Variants in RP1 observed in about 807,000 individuals in gnomAD.
The protein encoded by RP1 is oxygen-regulated protein 1.
A neutral mutation model predicts 14.8 loss-of-function variants in RP1; 16 were observed. That is an observed-to-expected ratio of 1.08 (90% CI 0.73 to 1.65). RP1 has a LOEUF of 1.65. Among genes scored for constraint, RP1 ranks in the 40% most tolerant of loss-of-function variants. The pLI is 0.00. For synonymous variants in RP1, 876 were observed against 883.6 expected (o/e 0.99, Z 0.15); for missense variants, 2,631 against 2,535.0 (o/e 1.04, Z -0.81).
At chr8:54,794,576 T>C (rs1441650966) in intron 24 of RP1, among the ~76,000 whole-genome samples, 1 of 151,842 alleles carries the variant, frequency 6.6e-6, no homozygotes, top group Admixed American at 6.6e-5. Context: ...CTTATACCTT[T>C]CACAAAAATT....
At position 54,621,255 on chromosome 8, in the gene RP1, G is replaced by C. The variant is rs1259843974; in HGVS notation, c.289G>C (p.Glu97Gln). 6.2e-7 allele frequency: 1 copy of C among 1,614,144 alleles called. No homozygotes were observed. The highest frequency in any genetic ancestry group is 1.1e-5 in the South Asian group (1 of 91,080). ...CAGGCACAGCATCACGCGCCTGGAG[G>C]AGCTGGAGGACGGCGAGTCCTACCT... ...RGRHSITRLE[E>Q]LEDGESYLCS... The change falls in exon 2 of 4, where the codon GAG (glutamate) becomes CAG (glutamine). Residue 97 changes from glutamate (E) to glutamine (Q), a missense_variant. Physicochemically the swap from Glu to Gln is conservative, Grantham distance 29 (BLOSUM62 2). Coordinates refer to ENST00000220676, the MANE Select transcript of RP1 (RefSeq NM_006269.2).
chr8:54,675,856 A>G (rs1392786599), intron 8 of RP1, among the ~76,000 whole-genome samples: 1 of 152,178 alleles, frequency 6.6e-6, no homozygotes, highest in Non-Finnish European at 1.5e-5. Flanking sequence ...AGGCTGCTAT[A>G]ACAAAATACC....
intron 1 of RP1, among the ~76,000 whole-genome samples, chr8:54,581,268 C>G (rs1488856440): frequency 6.6e-6 from 1 of 151,678 alleles, no homozygotes; most frequent in Non-Finnish European, 1.5e-5. Context: ...TGGTTTTCTG[C>G]CCTTGCGATA....
At chr8:54,818,390 C>T (rs563887874) in intron 24 of RP1, among the ~76,000 whole-genome samples, 1 of 152,338 alleles carries the variant, frequency 6.6e-6, no homozygotes, top group South Asian at 2.1e-4. Context: ...CTTTCACTTC[C>T]ATCAACCCTA....
At chr8:54,570,757 A>G (rs1280651666) in intron 1 of RP1, among the ~76,000 whole-genome samples, 1 of 152,158 alleles carries the variant, frequency 6.6e-6, no homozygotes, top group Non-Finnish European at 1.5e-5. Flanking sequence ...GTTTCACATT[A>G]AATAATACAA....
intron 15 of RP1, among the ~76,000 whole-genome samples, chr8:54,718,067 A>T (rs1808446902): frequency 6.6e-6 from 1 of 152,216 alleles, no homozygotes; most frequent in Admixed American, 6.5e-5. Flanking sequence ...TGATGAAAAA[A>T]ATCAAAGAAA....
intron 1 of RP1, among the ~76,000 whole-genome samples, chr8:54,567,862 G>A (rs1311705585): frequency 6.6e-6 from 1 of 152,098 alleles, no homozygotes; most frequent in Non-Finnish European, 1.5e-5. Context: ...GAGGTAGAGG[G>A]GGATTTGTCT....
At chr8:54,850,854 C>A (rs1440078265) in intron 25 of RP1, among the ~76,000 whole-genome samples, 1 of 152,162 alleles carries the variant, frequency 6.6e-6, no homozygotes, top group African/African-American at 2.4e-5. Flanking sequence ...GTCAATGTTA[C>A]AGATTCCAGC....
At chr8:54,735,506 A>T (rs2129356568) in intron 18 of RP1, among the ~76,000 whole-genome samples, 1 of 152,300 alleles carries the variant, frequency 6.6e-6, no homozygotes, top group Admixed American at 6.5e-5. Context: ...GGCTGGCTAG[A>T]GAATAGAGAA....
intron 3 of RP1, among the ~76,000 whole-genome samples, chr8:54,648,645 T>C (rs553424456): frequency 6.6e-6 from 1 of 152,136 alleles, no homozygotes; most frequent in Non-Finnish European, 1.5e-5. Flanking sequence ...GCTGAGAATA[T>C]TGGAGATTTT....
At position 54,625,815 on chromosome 8, in the gene RP1, CTAAT is replaced by C; in HGVS notation, c.1938_1941del (p.Ile646MetfsTer8). 2 of 1,613,346 alleles carry C rather than the reference CTAAT, an allele frequency of 1.2e-6. No individual in the cohort carries two copies. Among genetic ancestry groups the C allele is most frequent in the South Asian group, 1.1e-5 (1 of 91,066 alleles). On this transcript the variant is annotated frameshift_variant, in exon 4 of 4. Transcript: ENST00000220676. LOFTEE classifies it low-confidence loss of function (END_TRUNC). The stretch of plus-strand genomic sequence containing the variant: ...TACTGTCACTGCAAGAATTGACAGA[CTAAT>C]TAATGAATTTGCTCAGTGTGGTTTA...
intron 24 of RP1, among the ~76,000 whole-genome samples, chr8:54,827,723 C>T (rs1448226643): frequency 1.3e-5 from 2 of 152,020 alleles, no homozygotes; most frequent in Non-Finnish European, 2.9e-5. Context: ...CACGGTGAAA[C>T]CCTGTCTCTA....
At position 54,752,369 on chromosome 8, in the gene RP1, A is replaced by C. The variant is rs183619843; in HGVS notation, c.2809-2434A>C. ...GTCGTAGTTATGGTGAGTTAAACCAAGGAATAAATGTTTGCAAAGGGAAAT... is the reference window on the plus strand; with the variant it reads ...GTCGTAGTTATGGTGAGTTAAACCACGGAATAAATGTTTGCAAAGGGAAAT... On this transcript the variant is annotated intron_variant, in intron 19 of 22. Transcript: ENST00000636932. 1.6e-3 allele frequency among the ~76,000 whole-genome samples: 243 copies of C among 152,328 alleles called. 2 individuals carry two copies. Among genetic ancestry groups the C allele is most frequent in the African/African-American group, 5.5e-3 (230 of 41,582 alleles).
rs557805289 is a variant in RP1 at position 54,819,534 on chromosome 8, A to G, written c.3616-17916A>G. Among the ~76,000 whole-genome samples the G allele has an allele frequency of 9.3e-4, 141 of 152,160 alleles. 1 individual carries two copies. Among genetic ancestry groups the G allele is most frequent in the Non-Finnish European group, 1.7e-3 (113 of 68,020 alleles). ...TCTTGATGTTTGTAGATGATTGTTG[A>G]CGTCTGGGCATTGAATAATTAGGTA... On this transcript the variant is annotated intron_variant, in intron 24 of 28. Coordinates refer to the RP1 transcript ENST00000637698.
intron 12 of RP1, among the ~76,000 whole-genome samples, chr8:54,693,598 C>G (rs898422855): frequency 6.6e-6 from 1 of 152,074 alleles, no homozygotes; most frequent in African/African-American, 2.4e-5. Flanking sequence ...TGGGAGTTCA[C>G]TCATGATTTG....
chr8:54,624,644 AC>A (rs1805976266), intron 3 of RP1, 25 bp from the exon 4 acceptor site: 1 of 1,611,876 alleles, frequency 6.2e-7, no homozygotes. Flanking sequence ...TGATGTGGGC[AC>A]CTTTTACTCT....
intron 17 of RP1, among the ~76,000 whole-genome samples, chr8:54,728,126 C>T (rs990015381): frequency 6.6e-6 from 1 of 152,056 alleles, no homozygotes; most frequent in African/African-American, 2.4e-5. Flanking sequence ...ATTTTGCCTT[C>T]TCTGATTGCA....
chr8:54,838,715 G>A (rs1222807685), intron 25 of RP1, among the ~76,000 whole-genome samples: 1 of 152,064 alleles, frequency 6.6e-6, no homozygotes, highest in Non-Finnish European at 1.5e-5. Context: ...GTATGAGTGT[G>A]TGTGTGTGTG....
chr8:54,801,229 T>G (rs1810697754), intron 24 of RP1, among the ~76,000 whole-genome samples: 1 of 152,204 alleles, frequency 6.6e-6, no homozygotes, highest in South Asian at 2.1e-4. Flanking sequence ...GGTTTGTCTG[T>G]TGCAGCTCAC....
Sources: gnomAD v4.1 joint callset for allele counts (sites outside exome capture counted in the v4.1 genomes callset) on GRCh38, gnomAD v4.1.1 for gene constraint, MANE v1.5 for transcripts, NCBI Gene and HGNC (gene_info 2026-07-23, HGNC 2026-07-21) for gene names.